TRPM3: variants seen among roughly 807,000 people sequenced by gnomAD.
TRPM3 encodes long transient receptor potential channel 3.
A neutral mutation model predicts 181.2 loss-of-function variants in TRPM3; 77 were observed. The ratio of observed to expected loss-of-function variants is 0.42; its 90% CI spans 0.35 to 0.51. TRPM3 has a LOEUF of 0.51. Among genes scored for constraint, TRPM3 ranks in the 20% least tolerant of loss-of-function variants. TRPM3 has a pLI of 0.01. For missense variants in TRPM3, 1,759 were observed against 2,196.7 expected, an observed-to-expected ratio of 0.80 and a Z score of 3.98; for synonymous variants, 745 against 796.4, an observed-to-expected ratio of 0.94 and a Z score of 1.09.
At chr9:71,210,036 T>G (rs1369950357) in intron 1 of TRPM3, among the ~76,000 whole-genome samples, 1 of 152,196 alleles carries the variant, frequency 6.6e-6, no homozygotes, top group African/African-American at 2.4e-5. Flanking sequence ...CGTTAGGAAC[T>G]GGGCGGCACA....
chr9:70,849,291 C>G (rs1336132889), intron 3 of TRPM3, among the ~76,000 whole-genome samples: 1 of 152,038 alleles, frequency 6.6e-6, no homozygotes, highest in Non-Finnish European at 1.5e-5. Context: ...ATTACAGGTG[C>G]CCACCACCAG....
chr9:70,666,032 C>G (rs2061798368), intron 9 of TRPM3, among the ~76,000 whole-genome samples: 1 of 152,200 alleles, frequency 6.6e-6, no homozygotes, highest in Non-Finnish European at 1.5e-5. Flanking sequence ...TCCACAGAGG[C>G]AACCAGAGGA....
Position 70,913,310 on chromosome 9 carries a change from T to C in TRPM3, c.178-48799A>G, listed in dbSNP as rs192341909. 2.2e-3 allele frequency among the ~76,000 whole-genome samples: 331 copies of C among 152,326 alleles called. 2 individuals are homozygous for C. Among genetic ancestry groups the C allele is most frequent in the African/African-American group, 7.7e-3 (319 of 41,574 alleles). Reference sequence around the variant, plus strand: ...TTATTTAGTTCACCCAGAAATGCTTTACAGCATTTTCATAGTCCCTGGGGG... The same window carrying C: ...TTATTTAGTTCACCCAGAAATGCTTCACAGCATTTTCATAGTCCCTGGGGG... On this transcript the variant is annotated intron_variant, in intron 1 of 25. Coordinates refer to ENST00000677713, the MANE Select transcript of TRPM3 (RefSeq NM_001366145.2).
intron 1 of TRPM3, among the ~76,000 whole-genome samples, chr9:71,106,523 G>A (rs1439203907): frequency 1.3e-5 from 2 of 152,020 alleles, no homozygotes; most frequent in Non-Finnish European, 2.9e-5. Flanking sequence ...AGCTTCCTGA[G>A]GCCTCCACCA....
At chr9:70,542,222 T>C (rs2043568398) in intron 25 of TRPM3, among the ~76,000 whole-genome samples, 1 of 152,232 alleles carries the variant, frequency 6.6e-6, no homozygotes, top group African/African-American at 2.4e-5. Context: ...CACTGAGAAC[T>C]GATTCTGATC....
chr9:71,093,388 GA>G (rs552367935), intron 1 of TRPM3, among the ~76,000 whole-genome samples: 6 of 148,432 alleles, frequency 4.0e-5, no homozygotes, highest in South Asian at 4.2e-4. Context: ...AAATTTACAA[GA>G]AAAAAAAACA....
intron 1 of TRPM3, among the ~76,000 whole-genome samples, chr9:71,352,273 A>C (rs1239195560): frequency 6.6e-6 from 1 of 152,122 alleles, no homozygotes; most frequent in Non-Finnish European, 1.5e-5. Flanking sequence ...CATAATTCAG[A>C]AGAAACATTA....
intron 9 of TRPM3, among the ~76,000 whole-genome samples, chr9:70,648,895 G>C (rs535921905): frequency 6.6e-6 from 1 of 151,996 alleles, no homozygotes; most frequent in Non-Finnish European, 1.5e-5. Flanking sequence ...AAAATCCCAA[G>C]AGAAAACCTA....
chr9:71,197,747 GT>G (rs1398691098), intron 1 of TRPM3, among the ~76,000 whole-genome samples: 1 of 147,808 alleles, frequency 6.8e-6, no homozygotes, highest in Non-Finnish European at 1.5e-5. Flanking sequence ...ATTTGTTTGA[GT>G]TCATTGTAGA....
intron 7 of TRPM3, 32 bp downstream of exon 7, chr9:70,784,073 G>A: frequency 1.2e-6 from 2 of 1,602,514 alleles, no homozygotes; most frequent in Non-Finnish European, 1.7e-6. Context: ...CAGGCTTTAG[G>A]GTTCTTCCAT....
chr9:71,023,748 G>A (rs572256638), intron 1 of TRPM3, among the ~76,000 whole-genome samples: 8 of 151,914 alleles, frequency 5.3e-5, no homozygotes, highest in African/African-American at 1.4e-4. Context: ...TTCTGTATGA[G>A]TTCATTTATA....
At chr9:70,642,841 A>G (rs1344240451) in intron 9 of TRPM3, among the ~76,000 whole-genome samples, 1 of 152,184 alleles carries the variant, frequency 6.6e-6, no homozygotes, top group Admixed American at 6.5e-5. Context: ...CCAGCTGCAG[A>G]CCTTGTGATT....
intron 1 of TRPM3, among the ~76,000 whole-genome samples, chr9:71,244,075 T>C (rs1434069128): frequency 6.6e-6 from 1 of 152,042 alleles, no homozygotes; most frequent in Non-Finnish European, 1.5e-5. Flanking sequence ...GGCCTACGTA[T>C]AGTAAGGCAA....
chr9:71,099,154 C>T (rs1297873437), intron 1 of TRPM3, among the ~76,000 whole-genome samples: 4 of 152,096 alleles, frequency 2.6e-5, no homozygotes, highest in Non-Finnish European at 4.4e-5. Flanking sequence ...AAGATGAAGG[C>T]ACTGGCAGAT....
chr9:71,159,104 T>TGAGAGA (rs2076147784), intron 1 of TRPM3, among the ~76,000 whole-genome samples: 1 of 48,746 alleles, frequency 2.1e-5, no homozygotes, highest in African/African-American at 8.2e-5. Context: ...ATATATATAT[T>TGAGAGA]TAGAGAGAGA....
chr9:70,781,326 T>TAAAAAAAAAAAAAAAAAAAAAAAAAA (rs35173071), intron 7 of TRPM3, among the ~76,000 whole-genome samples: 20 of 106,110 alleles, frequency 1.9e-4, no homozygotes, highest in South Asian at 3.6e-4. Context: ...TTCCATTTCA[T>TAAAAAAAAAAAAAAAAAAAAAAAAAA]AAAAAAAAAA....
At chr9:70,823,569 G>A (rs568181078) in intron 6 of TRPM3, among the ~76,000 whole-genome samples, 4 of 152,308 alleles carry the variant, frequency 2.6e-5, no homozygotes, top group East Asian at 1.9e-4. Context: ...CAATGCACAC[G>A]TGTGCATGCA....
intron 1 of TRPM3, among the ~76,000 whole-genome samples, chr9:71,441,757 T>G (rs571529701): frequency 6.6e-6 from 1 of 151,604 alleles, no homozygotes; most frequent in Non-Finnish European, 1.5e-5. Flanking sequence ...CTCAGCCTCC[T>G]GAGTAGCTGG....
At chr9:71,007,665 G>T (rs2097694380) in intron 1 of TRPM3, among the ~76,000 whole-genome samples, 1 of 152,014 alleles carries the variant, frequency 6.6e-6, no homozygotes, top group Non-Finnish European at 1.5e-5. Flanking sequence ...AAAATTCCTT[G>T]GGACAAATGA....
Sources: allele counts gnomAD v4.1 joint callset (sites outside exome capture counted in the v4.1 genomes callset), GRCh38; gene constraint gnomAD v4.1.1; transcripts MANE v1.5; gene names NCBI Gene and HGNC (gene_info 2026-07-23, HGNC 2026-07-21).